PSD3: variants seen among roughly 807,000 people sequenced by gnomAD.
PSD3 encodes pleckstrin and Sec7 domain containing 3.
In PSD3, 49 loss-of-function variants were observed where a neutral mutation model predicts 105.5. The ratio of observed to expected loss-of-function variants is 0.46; its 90% CI spans 0.37 to 0.59. The LOEUF (loss-of-function observed/expected upper bound fraction) is 0.59. Among genes scored for constraint, PSD3 ranks in the 20% least tolerant of loss-of-function variants. The pLI is 0.00. For synonymous variants in PSD3, 557 were observed against 457.8 expected (o/e 1.22, Z -2.77); for missense variants, 1,561 against 1,263.8 (o/e 1.24, Z -3.57).
At chr8:18,918,681 T>A (rs1820789452) in intron 2 of PSD3, among the ~76,000 whole-genome samples, 1 of 152,222 alleles carries the variant, frequency 6.6e-6, no homozygotes, top group African/African-American at 2.4e-5. Context: ...CCAACTGTGT[T>A]CCAATAACAT....
chr8:18,955,834 A>T (rs73584677), intron 1 of PSD3, among the ~76,000 whole-genome samples: 59,506 of 151,744 alleles, frequency 0.39, 11,864 homozygotes, highest in Non-Finnish European at 0.41. Context: ...AGTGGTGCGA[A>T]CTTGGCTCAC....
chr8:18,617,686 G>A (rs933464895), intron 11 of PSD3, among the ~76,000 whole-genome samples: 6 of 152,256 alleles, frequency 3.9e-5, no homozygotes, highest in Admixed American at 1.3e-4. Context: ...CAGAAAGGGG[G>A]TGTTGGACAT....
At chr8:18,888,480 A>G (rs1818575751) in intron 2 of PSD3, among the ~76,000 whole-genome samples, 2 of 150,980 alleles carry the variant, frequency 1.3e-5, no homozygotes, top group Non-Finnish European at 2.9e-5. Context: ...CTCAATTTCC[A>G]TCTGAAAAAA....
chr8:18,903,709 G>A (rs2129461520), intron 2 of PSD3, among the ~76,000 whole-genome samples: 1 of 152,300 alleles, frequency 6.6e-6, no homozygotes, highest in South Asian at 2.1e-4. Flanking sequence ...AGGCCTGGGG[G>A]CCTTGACTGT....
intron 4 of PSD3, among the ~76,000 whole-genome samples, chr8:18,822,354 G>C (rs1812814032): frequency 6.6e-6 from 1 of 152,164 alleles, no homozygotes. Context: ...GGCATCACTT[G>C]ACAGCAGAAC....
At chr8:18,978,672 C>G (rs1278474756) in intron 1 of PSD3, among the ~76,000 whole-genome samples, 2 of 152,136 alleles carry the variant, frequency 1.3e-5, no homozygotes. Flanking sequence ...TCCCACACCT[C>G]AACCACTGCC....
chr8:19,017,761 A>G (rs930294322), upstream of PSD3, among the ~76,000 whole-genome samples: 3 of 152,214 alleles, frequency 2.0e-5, no homozygotes, highest in Non-Finnish European at 4.4e-5. Flanking sequence ...TTGCTAAATA[A>G]TATTCCATTG....
intron 8 of PSD3, among the ~76,000 whole-genome samples, chr8:18,776,046 T>C (rs1808040511): frequency 6.6e-6 from 1 of 152,080 alleles, no homozygotes; most frequent in Non-Finnish European, 1.5e-5. Context: ...AAGAGTCTAG[T>C]TTGATTCTTC....
chr8:18,730,000 C>T (rs1803617971), intron 9 of PSD3: 1 of 152,068 alleles, frequency 6.6e-6, no homozygotes. Context: ...AGGAAGAAAG[C>T]ATCATAAAGC....
Position 18,535,299 on chromosome 8 carries a change from T to C in PSD3, c.*444A>G, listed in dbSNP as rs1479002507. ...TTCTACCTCTGTGACTGGGCAAGAT[T>C]TCACATATAAAGGCGTATATTAACT... On this transcript the variant is annotated 3_prime_UTR_variant, in exon 16 of 16. Coordinates refer to ENST00000327040, the MANE Select transcript of PSD3 (RefSeq NM_015310.4). The C allele has an allele frequency of 1.2e-5, 2 of 172,568 alleles. No homozygotes were observed. Among genetic ancestry groups the C allele is most frequent in the African/African-American group, 4.8e-5 (2 of 41,704 alleles). The allele number at this position is 172,568 out of a possible 1,614,324, so 10.7% of individuals were successfully genotyped here. A position where few individuals can be genotyped will look rare whatever the true frequency, so the allele number is the denominator to read the frequency against.
intron 2 of PSD3, among the ~76,000 whole-genome samples, chr8:18,898,448 T>C (rs1001219236): frequency 6.6e-6 from 1 of 152,144 alleles, no homozygotes; most frequent in African/African-American, 2.4e-5. Flanking sequence ...TCTGTTTGCA[T>C]GGAATGTCTT....
intron 9 of PSD3, among the ~76,000 whole-genome samples, chr8:18,682,243 A>C (rs185310143): frequency 1.2e-3 from 180 of 152,290 alleles, no homozygotes; most frequent in Middle Eastern, 6.8e-3. Flanking sequence ...ATGAGCTCTT[A>C]ATTTCCCATA....
intron 2 of PSD3, among the ~76,000 whole-genome samples, chr8:18,878,459 C>T (rs1453376926): frequency 2.0e-5 from 3 of 152,266 alleles, no homozygotes; most frequent in African/African-American, 7.2e-5. Flanking sequence ...TATACCATTG[C>T]CTCTACACTG....
rs1040888156 is a variant in PSD3, at chr8:18,600,438, G to C, written c.2411-4C>G. ...CATCCTCGTTTTCCTCTTGGAGCTAGAAAGGGGGAAAAAATGTAAAATTTT... is the reference window on the plus strand; with the variant it reads ...CATCCTCGTTTTCCTCTTGGAGCTACAAAGGGGGAAAAAATGTAAAATTTT... On this transcript the variant is annotated splice_region_variant and splice_polypyrimidine_tract_variant and intron_variant, in intron 11 of 15. Coordinates refer to ENST00000327040, the MANE Select transcript of PSD3 (RefSeq NM_015310.4). 1 of 1,591,824 alleles carries C rather than the reference G, an allele frequency of 6.3e-7. No homozygotes were observed. Among genetic ancestry groups the C allele is most frequent in the Non-Finnish European group, 8.5e-7 (1 of 1,170,450 alleles).
intron 1 of PSD3, among the ~76,000 whole-genome samples, chr8:18,938,681 T>C (rs1252221840): frequency 1.3e-5 from 2 of 149,862 alleles, no homozygotes; most frequent in African/African-American, 2.5e-5. Context: ...TTAGAATAGA[T>C]ACTAACCACT....
chr8:19,080,525 A>C (rs1280104797), intron 1 of PSD3, among the ~76,000 whole-genome samples: 3 of 152,258 alleles, frequency 2.0e-5, no homozygotes, highest in Non-Finnish European at 4.4e-5. Flanking sequence ...CAGGGTCTGC[A>C]CATGAGAAAA....
At chr8:18,559,029 T>C (rs144469934) in intron 14 of PSD3, among the ~76,000 whole-genome samples, 1 of 152,328 alleles carries the variant, frequency 6.6e-6, no homozygotes, top group African/African-American at 2.4e-5. Flanking sequence ...GATATTTAGC[T>C]TGTTTTCAGG....
intron 1 of PSD3, among the ~76,000 whole-genome samples, chr8:19,047,380 C>T (rs1035294702): frequency 2.6e-5 from 4 of 152,134 alleles, no homozygotes; most frequent in African/African-American, 9.7e-5. Flanking sequence ...CCACAAGATG[C>T]TCATTTATTA....
intron 4 of PSD3, among the ~76,000 whole-genome samples, chr8:18,807,245 C>T (rs920892626): frequency 5.3e-5 from 8 of 152,190 alleles, no homozygotes; most frequent in African/African-American, 1.9e-4. Context: ...TTCAAGGTCA[C>T]TGAAAAAGCA....
Sources: gnomAD v4.1 joint callset for allele counts (sites outside exome capture counted in the v4.1 genomes callset) on GRCh38, gnomAD v4.1.1 for gene constraint, MANE v1.5 for transcripts, NCBI Gene and HGNC (gene_info 2026-07-23, HGNC 2026-07-21) for gene names.